The following PHTF2 variants were observed in gnomAD, a reference collection of about 807,000 sequenced individuals.
PHTF2 encodes putative homeodomain transcription factor 2.
In PHTF2, 60 loss-of-function variants were observed where a neutral mutation model predicts 101.2. The observed-to-expected ratio is 0.59, with a 90% confidence interval of 0.48 to 0.73. PHTF2 has a LOEUF of 0.73. PHTF2 is among the 30% of genes least tolerant of loss of function. The pLI, the probability that PHTF2 is intolerant of heterozygous loss-of-function variation, is 0.00. For synonymous variants in PHTF2, 311 were observed against 307.3 expected (o/e 1.01, Z -0.13); for missense variants, 747 against 908.7 (o/e 0.82, Z 2.29).
intron 7 of PHTF2, among the ~76,000 whole-genome samples, chr7:77,902,279 TC>T (rs777128144): frequency 2.0e-5 from 3 of 152,236 alleles, no homozygotes; most frequent in Non-Finnish European, 4.4e-5. Flanking sequence ...GTTTCTTTTT[TC>T]TGTGCCTTTT....
At chr7:77,926,816 A>G (rs1429383590) in intron 11 of PHTF2, among the ~76,000 whole-genome samples, 1 of 151,584 alleles carries the variant, frequency 6.6e-6, no homozygotes, top group East Asian at 1.9e-4. Context: ...AAAAAAAAAC[A>G]AAGTACAAAA....
At chr7:77,940,082 C>T in exon 14 of PHTF2, 1 of 1,613,418 alleles carries the variant, frequency 6.2e-7, no homozygotes, top group Non-Finnish European at 8.5e-7. Context: ...AATGCAGTCT[C>T]TCTCATACTG....
intron 11 of PHTF2, among the ~76,000 whole-genome samples, chr7:77,927,290 G>A (rs1256609137): frequency 6.8e-6 from 1 of 147,728 alleles, no homozygotes; most frequent in Non-Finnish European, 1.5e-5. Flanking sequence ...ATTATCAAAT[G>A]AATATAAATA....
intron 1 of PHTF2, among the ~76,000 whole-genome samples, chr7:77,816,777 G>A (rs1223006744): frequency 6.6e-6 from 1 of 152,116 alleles, no homozygotes; most frequent in African/African-American, 2.4e-5. Context: ...TTACTTCTAT[G>A]AGATCAGCTT....
At chr7:77,930,916 A>G (rs761132290) in intron 12 of PHTF2, among the ~76,000 whole-genome samples, 1 of 152,370 alleles carries the variant, frequency 6.6e-6, no homozygotes. Flanking sequence ...TCCCTACTGG[A>G]TATAAAAATT....
At chr7:77,845,151 G>A (rs1796176899) in intron 2 of PHTF2, among the ~76,000 whole-genome samples, 1 of 152,162 alleles carries the variant, frequency 6.6e-6, no homozygotes, top group Non-Finnish European at 1.5e-5. Flanking sequence ...ATTTGAAATA[G>A]GGACCTGAAA....
intron 8 of PHTF2, 152 bp downstream of exon 7, chr7:77,909,110 A>T: frequency 2.0e-6 from 1 of 498,002 alleles, no homozygotes; most frequent in Non-Finnish European, 3.5e-6. Context: ...TTACCAGATG[A>T]TTTAGTTTCC....
chr7:77,838,218 G>T (rs909438090), intron 1 of PHTF2, among the ~76,000 whole-genome samples: 9 of 152,104 alleles, frequency 5.9e-5, no homozygotes, highest in African/African-American at 2.2e-4. Flanking sequence ...ATACTCAAAG[G>T]CTTCCAGGAC....
chr7:77,888,716 C>A (rs897769338), intron 3 of PHTF2, among the ~76,000 whole-genome samples: 1 of 152,014 alleles, frequency 6.6e-6, no homozygotes, highest in Non-Finnish European at 1.5e-5. Context: ...AGTTTTCTTT[C>A]ACAGAGAACT....
At chr7:77,956,596 A>T (rs1376539221) in exon 20 of PHTF2, 1 of 152,570 alleles carries the variant, frequency 6.6e-6, no homozygotes, top group Admixed American at 6.6e-5. Context: ...GCTTTGTCTG[A>T]TGTTTTTCCT....
intron 1 of PHTF2, among the ~76,000 whole-genome samples, chr7:77,820,312 G>T (rs1338512515): frequency 6.6e-6 from 1 of 152,056 alleles, no homozygotes; most frequent in Non-Finnish European, 1.5e-5. Context: ...GTTTCTCTAG[G>T]TGTTCAAATT....
In PHTF2 at chr7:77,889,841, C is replaced by T. The variant is rs528612023; in HGVS notation, c.148-3767C>T. On this transcript the variant is annotated intron_variant, in intron 3 of 19. Transcript: ENST00000416283. ...GTCTCCATCTCCTGACTTCATGATC[C>T]GCCTGCCTCGGCCTCCCAAAGTGCT... Among the ~76,000 whole-genome samples, 204 of 152,038 alleles carry T rather than the reference C, an allele frequency of 1.3e-3. 1 individual carries two copies. Among genetic ancestry groups the T allele is most frequent in the Middle Eastern group, 3.4e-3 (1 of 294 alleles).
intron 3 of PHTF2, among the ~76,000 whole-genome samples, chr7:77,873,118 G>A (rs1353303784): frequency 2.0e-5 from 3 of 151,998 alleles, no homozygotes; most frequent in African/African-American, 4.8e-5. Flanking sequence ...TAGTAGAGAC[G>A]GGGTTTCACA....
At chr7:77,830,194 T>C (rs1794975431) in intron 1 of PHTF2, among the ~76,000 whole-genome samples, 1 of 152,164 alleles carries the variant, frequency 6.6e-6, no homozygotes, top group South Asian at 2.1e-4. Context: ...TAAAACAATA[T>C]AGTAAGTACA....
intron 3 of PHTF2, among the ~76,000 whole-genome samples, chr7:77,876,314 A>G (rs1471627745): frequency 6.6e-6 from 1 of 152,146 alleles, no homozygotes; most frequent in Non-Finnish European, 1.5e-5. Flanking sequence ...TCACTTTTTA[A>G]GTGTTTTTAG....
At chr7:77,951,082 C>A (rs1294954608) in intron 17 of PHTF2, among the ~76,000 whole-genome samples, 1 of 152,122 alleles carries the variant, frequency 6.6e-6, no homozygotes, top group Non-Finnish European at 1.5e-5. Flanking sequence ...ACTGTGGATA[C>A]CCCAAAATTA....
At chr7:77,841,074 A>ATTTTTTT (rs1562863302) in intron 2 of PHTF2, among the ~76,000 whole-genome samples, 8 of 51,412 alleles carry the variant, frequency 1.6e-4, no homozygotes, top group East Asian at 6.4e-4. Flanking sequence ...GAAAAAACAG[A>ATTTTTTT]CTTTTTTTTT....
intron 13 of PHTF2, among the ~76,000 whole-genome samples, chr7:77,938,665 T>C (rs75001880): frequency 1.3e-5 from 2 of 152,022 alleles, no homozygotes; most frequent in Admixed American, 1.3e-4. Context: ...TAGTCCCAGC[T>C]ACTCGGGAGG....
chr7:77,920,987 A>C (rs1411692592), intron 10 of PHTF2, among the ~76,000 whole-genome samples: 1 of 152,152 alleles, frequency 6.6e-6, no homozygotes, highest in Non-Finnish European at 1.5e-5. Flanking sequence ...GGCTAGCCCC[A>C]AAATGTTAAA....
Sources: gnomAD v4.1 joint callset for allele counts (sites outside exome capture counted in the v4.1 genomes callset) on GRCh38, gnomAD v4.1.1 for gene constraint, MANE v1.5 for transcripts, NCBI Gene and HGNC (gene_info 2026-07-23, HGNC 2026-07-21) for gene names.